DDRGK1: variants seen among roughly 807,000 people sequenced by gnomAD.
The protein encoded by DDRGK1 is DDRGK domain containing 1.
Under a neutral mutation model 45.8 loss-of-function variants are expected in DDRGK1, and 38 were observed. The observed-to-expected ratio is 0.83, with a 90% CI of 0.64 to 1.09. The LOEUF (loss-of-function observed/expected upper bound fraction) is 1.09, where lower values mean the gene tolerates loss of function less well. Among genes scored for constraint, DDRGK1 ranks in the 50% least tolerant of loss-of-function variants. DDRGK1 has a pLI of 0.00. For missense variants in DDRGK1, 403 were observed against 419.9 expected, an observed-to-expected ratio of 0.96 and a Z score of 0.35; for synonymous variants, 171 against 168.7, an observed-to-expected ratio of 1.01 and a Z score of -0.11.
chr20:3,197,618 T>C (rs1395874184), intron 4 of DDRGK1, among the ~76,000 whole-genome samples: 1 of 152,112 alleles, frequency 6.6e-6, no homozygotes, highest in Non-Finnish European at 1.5e-5. Context: ...TTCTACAAAC[T>C]ACTTGCCCAG....
rs541098031 is a variant in DDRGK1, at chr20:3,203,094, C to T, written c.295+119G>A. 3.0e-5 allele frequency: 29 copies of T among 967,054 alleles called. No individual in the cohort carries two copies. The East Asian group carries it at 5.3e-4, about 18-fold the overall frequency. The allele number at this position is 967,054 out of a possible 1,614,324, so 59.9% of individuals were successfully genotyped here. On this transcript the variant is annotated intron_variant, in intron 2 of 8. Coordinates refer to ENST00000354488, the MANE Select transcript of DDRGK1 (RefSeq NM_023935.3). ...AGTCCCCCCCTACTCTACCGTGTGG[C>T]TCCCAGACGTCCCTCCTACCCTGAG...
chr20:3,199,126 G>C (rs1382576118), intron 4 of DDRGK1, among the ~76,000 whole-genome samples: 4 of 152,060 alleles, frequency 2.6e-5, no homozygotes, highest in Non-Finnish European at 5.9e-5. Context: ...TTGCACTCCA[G>C]CCTGGGCAAC....
Position 3,191,838 on chromosome 20 carries a change from GAAA to G in DDRGK1, c.673-20_673-18del. 1 of 1,601,836 alleles carries G rather than the reference GAAA, an allele frequency of 6.2e-7. No individual in the cohort carries two copies. Among genetic ancestry groups the G allele is most frequent in the Non-Finnish European group, 8.5e-7 (1 of 1,174,286 alleles). On this transcript the variant is annotated intron_variant, in intron 6 of 8. Transcript: ENST00000354488. Reference sequence around the variant, plus strand: ...CTTGGACTGCTACAAAAAGAAGGAGGAAAAGAAAGAGAGGCTGAGCTTGGGCAA... The same window carrying G: ...CTTGGACTGCTACAAAAAGAAGGAGGAGAAAGAGAGGCTGAGCTTGGGCAA...
At position 3,190,401 on chromosome 20, in the gene DDRGK1, G is replaced by C. The variant is rs1190535315; in HGVS notation, c.*252C>G. 1.2e-5 allele frequency: 6 copies of C among 518,246 alleles called. No individual in the cohort carries two copies. The highest frequency in any genetic ancestry group is 9.6e-5 in the African/African-American group (5 of 51,900). The allele number at this position is 518,246 out of a possible 1,614,324, so 32.1% of individuals were successfully genotyped here. A position where few individuals can be genotyped will look rare whatever the true frequency, so the allele number is the denominator to read the frequency against. ...AATGAATGGATTCATAATAAGAACA[G>C]GACTTCACCAGCTTCCAAGGGACCC... On this transcript the variant is annotated 3_prime_UTR_variant, in exon 9 of 9. Coordinates refer to ENST00000354488, the MANE Select transcript of DDRGK1 (RefSeq NM_023935.3).
In DDRGK1 at chr20:3,190,408, A is replaced by C. The variant is rs1248143692; in HGVS notation, c.*245T>G. 1.9e-6 allele frequency: 1 copy of C among 527,336 alleles called. No individual in the cohort carries two copies. The allele number at this position is 527,336 out of a possible 1,614,324, so 32.7% of individuals were successfully genotyped here. On this transcript the variant is annotated 3_prime_UTR_variant, in exon 9 of 9. Transcript: ENST00000354488. Reference sequence around the variant, plus strand: ...GGATTCATAATAAGAACAGGACTTCACCAGCTTCCAAGGGACCCTCCCCAC... The same window carrying C: ...GGATTCATAATAAGAACAGGACTTCCCCAGCTTCCAAGGGACCCTCCCCAC...
intron 2 of DDRGK1, among the ~76,000 whole-genome samples, chr20:3,202,058 C>A (rs932137265): frequency 6.6e-6 from 1 of 151,814 alleles, no homozygotes; most frequent in African/African-American, 2.4e-5. Context: ...CGGCTCACTG[C>A]AAGCTCCACC....
intron 4 of DDRGK1, among the ~76,000 whole-genome samples, chr20:3,196,538 G>A (rs6051633): frequency 0.71 from 104,629 of 147,190 alleles, 37,752 homozygotes; most frequent in Middle Eastern, 0.76. Flanking sequence ...AAAATTAGCC[G>A]GGCGTGGTGG....
chr20:3,201,574 T>G (rs1322353128), intron 2 of DDRGK1, among the ~76,000 whole-genome samples: 2 of 151,430 alleles, frequency 1.3e-5, no homozygotes. Flanking sequence ...GGGTCACAGA[T>G]AGCGCTGCCT....
chr20:3,198,803 G>GGGAC (rs2067023463), intron 4 of DDRGK1, among the ~76,000 whole-genome samples: 1 of 140,074 alleles, frequency 7.1e-6, no homozygotes, highest in Non-Finnish European at 1.5e-5. Context: ...CATCCTAGAT[G>GGGAC]GGACCCTGGA....
chr20:3,195,417 T>C, intron 4 of DDRGK1, 64 bp from the exon 5 acceptor site: 1 of 1,520,346 alleles, frequency 6.6e-7, no homozygotes, highest in Non-Finnish European at 8.8e-7. Flanking sequence ...CTGTTCTGGT[T>C]GCTGCTACCC....
At position 3,190,701 on chromosome 20, in the gene DDRGK1, G is replaced by T. The variant is rs1376881085; in HGVS notation, c.897C>A (p.Asn299Lys). ...VSIAELAQAS[N>K]SLIAWGRESP... ...ACTCCCGGCCCCAGGCGATGAGGGA[G>T]TTGCTGGCTTGGGCAAGCTCGGCGA... The change falls in exon 9 of 9, where the codon AAC becomes AAA. Residue 299 changes from asparagine to lysine, a missense_variant. Coordinates refer to ENST00000354488, the MANE Select transcript of DDRGK1 (RefSeq NM_023935.3). 1 of 1,614,112 alleles carries T rather than the reference G, an allele frequency of 6.2e-7. No homozygotes were observed.
intron 1 of DDRGK1, among the ~76,000 whole-genome samples, chr20:3,203,790 C>G (rs529752511): frequency 6.6e-6 from 1 of 152,358 alleles, no homozygotes; most frequent in South Asian, 2.1e-4. Context: ...AGAGAGTACA[C>G]TTCCCGGCGG....
rs35994048 is a variant in DDRGK1, at chr20:3,201,122, A to T, written c.296-668T>A. Among the ~76,000 whole-genome samples the T allele has an allele frequency of 8.4e-3, 1,264 of 151,066 alleles. 8 individuals are homozygous for T. The highest frequency in any genetic ancestry group is 0.041 in the Middle Eastern group (12 of 292). On this transcript the variant is annotated intron_variant, in intron 2 of 8. Transcript: ENST00000354488. ...GAGACACTGTCTCAGGGGAAAAAAA[A>T]ATACAAAAATAATTAGCCGGGCATG...
intron 5 of DDRGK1, 135 bp from the exon 6 acceptor site, chr20:3,195,003 A>G (rs1320861154): frequency 3.0e-6 from 4 of 1,340,858 alleles, no homozygotes; most frequent in Non-Finnish European, 4.1e-6. Flanking sequence ...AACCACCTGC[A>G]CATACCGCTT....
intron 4 of DDRGK1, among the ~76,000 whole-genome samples, chr20:3,198,757 G>A (rs1451745939): frequency 8.1e-6 from 1 of 123,220 alleles, no homozygotes; most frequent in East Asian, 2.3e-4. Context: ...TGACACAGAA[G>A]AGCCTAAGGA....
chr20:3,202,768 C>T (rs1038503682), intron 2 of DDRGK1, among the ~76,000 whole-genome samples: 1 of 152,210 alleles, frequency 6.6e-6, no homozygotes, highest in African/African-American at 2.4e-5. Flanking sequence ...CTCTCCTGGT[C>T]TCCTGGAAGC....
At chr20:3,198,100 T>A (rs1214906694) in intron 4 of DDRGK1, among the ~76,000 whole-genome samples, 1 of 53,028 alleles carries the variant, frequency 1.9e-5, no homozygotes, top group African/African-American at 7.7e-5. Flanking sequence ...CCATCTCTCT[T>A]AAAAAAAAAA....
intron 2 of DDRGK1, among the ~76,000 whole-genome samples, chr20:3,201,652 GT>G (rs1255300852): frequency 6.7e-6 from 1 of 149,878 alleles, no homozygotes; most frequent in African/African-American, 2.4e-5. Flanking sequence ...AGAGAGGGTT[GT>G]TTTTTTTGGT....
intron 3 of DDRGK1, 74 bp downstream of exon 3, chr20:3,200,268 A>C: frequency 6.7e-7 from 1 of 1,490,436 alleles, no homozygotes; most frequent in East Asian, 2.5e-5. Flanking sequence ...ACAAGCCCTC[A>C]GTCTGCCTTA....
Sources: gnomAD v4.1 joint callset for allele counts (sites outside exome capture counted in the v4.1 genomes callset) on GRCh38, gnomAD v4.1.1 for gene constraint, MANE v1.5 for transcripts, NCBI Gene and HGNC (gene_info 2026-07-23, HGNC 2026-07-21) for gene names.